The following HERC2 variants were observed in gnomAD, a reference collection of about 807,000 sequenced individuals.
The protein encoded by HERC2 is HECT and RLD domain containing E3 ubiquitin protein ligase 2, also known as E3 ubiquitin-protein ligase HERC2.
A neutral mutation model predicts 537.7 loss-of-function variants in HERC2; 102 were observed. The observed-to-expected ratio is 0.19, with a 90% CI of 0.16 to 0.22. The LOEUF (loss-of-function observed/expected upper bound fraction) is 0.22. Ranked by LOEUF, HERC2 falls within the 10% of genes least tolerant of loss-of-function variation. HERC2 has a pLI of 1.00. For missense variants in HERC2, 4,236 were observed against 6,198.2 expected (o/e 0.68, Z 10.63); for synonymous variants, 2,224 against 2,466.2 (o/e 0.90, Z 2.91).
At position 28,268,743 on chromosome 15, in the gene HERC2, G is replaced by C; in HGVS notation, c.1447-127C>G. 1 of 764,672 alleles carries C rather than the reference G, an allele frequency of 1.3e-6. No homozygotes were observed. Among genetic ancestry groups the C allele is most frequent in the Non-Finnish European group, 2.1e-6 (1 of 472,614 alleles). 47.4% of individuals were successfully genotyped at this position (764,672 alleles called of 1,614,324 possible). ...ACTCCAAGTGGGGCATAAGTCTCTG[G>C]GAACTACGGGGCCGGCTCTCCAGCC... On this transcript the variant is annotated intron_variant, in intron 11 of 92. Transcript: ENST00000261609. This position sits in a 1 kb window ranked among gnomAD's most constrained non-coding sequence, Gnocchi z 4.7.
At chr15:28,116,054 T>C (rs1888202691) in intron 88 of HERC2, among the ~76,000 whole-genome samples, 1 of 152,198 alleles carries the variant, frequency 6.6e-6, no homozygotes, top group Non-Finnish European at 1.5e-5. Flanking sequence ...TCTCCAGTCC[T>C]CAGCACGTGG....
chr15:28,280,783 G>A (rs954630646), intron 4 of HERC2, among the ~76,000 whole-genome samples: 5 of 151,950 alleles, frequency 3.3e-5, no homozygotes, highest in Non-Finnish European at 7.4e-5. Flanking sequence ...GGTGACGCAC[G>A]CCTGGAATTC....
At chr15:28,173,526 C>T (rs901224216) in intron 65 of HERC2, among the ~76,000 whole-genome samples, 6 of 152,066 alleles carry the variant, frequency 3.9e-5, no homozygotes, top group African/African-American at 9.7e-5. Context: ...TGGTCTGCCA[C>T]GGTGGCTCCT....
intron 2 of HERC2, among the ~76,000 whole-genome samples, chr15:28,312,028 T>C (rs1335460437): frequency 6.6e-6 from 1 of 152,132 alleles, no homozygotes; most frequent in African/African-American, 2.4e-5. Context: ...TCTTTCTGAG[T>C]GACAAGGAAT....
At chr15:28,208,512 C>T (rs2140394123) in intron 44 of HERC2, among the ~76,000 whole-genome samples, 1 of 152,146 alleles carries the variant, frequency 6.6e-6, no homozygotes, top group Admixed American at 6.5e-5. Flanking sequence ...GCAGGTGTAT[C>T]ACCCGAAGGT....
chr15:28,238,557 T>C lies in HERC2; in HGVS notation c.3748+45A>G, dbSNP rs539657558. On this transcript the variant is annotated intron_variant, in intron 24 of 92. Transcript: ENST00000261609. ...AAGCCAAATACTCTGCTTAAAATGA[T>C]ATAGGTTGTAACTTTTAACCAGGAA... is the stretch of plus-strand genomic sequence containing the variant. The C allele has an allele frequency of 3.5e-5, 52 of 1,488,088 alleles. 1 individual carries two copies. The highest frequency in any genetic ancestry group is 4.4e-5 in the Non-Finnish European group (47 of 1,072,610). The allele number at this position is 1,488,088 out of a possible 1,614,324, so 92.2% of individuals were successfully genotyped here. A position where few individuals can be genotyped will look rare whatever the true frequency, so the allele number is the denominator to read the frequency against.
chr15:28,145,803 C>T (rs546452079), intron 71 of HERC2, among the ~76,000 whole-genome samples: 1 of 152,356 alleles, frequency 6.6e-6, no homozygotes, highest in East Asian at 1.9e-4. Context: ...CAGCTGGCCT[C>T]ATGGAGCCCA....
In HERC2 at chr15:28,176,858, T is replaced by C; in HGVS notation, c.9433-90A>G. 1 of 1,576,330 alleles carries C rather than the reference T, an allele frequency of 6.3e-7. No individual in the cohort carries two copies. The highest frequency in any genetic ancestry group is 8.7e-7 in the Non-Finnish European group (1 of 1,150,950). ...ACAGATAAAGCCAACCATGCACACA[T>C]CTTTATGAACTTTCCTAGACTTGAA... On this transcript the variant is annotated intron_variant, in intron 61 of 92. Transcript: ENST00000261609. The surrounding 1 kb of genome is among the most constrained non-coding windows in gnomAD (Gnocchi z 5.0).
intron 69 of HERC2, 88 bp from the exon 70 acceptor site, chr15:28,152,918 G>A: frequency 2.3e-6 from 3 of 1,323,598 alleles, no homozygotes; most frequent in Middle Eastern, 5.3e-4. Context: ...CTGCTCAGGA[G>A]CTCCACAAGG....
chr15:28,144,743 C>A lies in HERC2; in HGVS notation c.11070G>T (p.Lys3690Asn). 6.2e-7 allele frequency: 1 copy of A among 1,614,226 alleles called. No individual in the cohort carries two copies. Among genetic ancestry groups the A allele is most frequent in the Non-Finnish European group, 8.5e-7 (1 of 1,180,036 alleles). ...CATTCACAGACCCATCGCTGATGAA[C>A]TTCCACTTTAACTCATCCCCTGGGA... ...LRIPGDELKW[K>N]FISDGSVNGW... The change falls in exon 72 of 93, where the codon AAG becomes AAT. Residue 3690 changes from lysine (K) to asparagine (N), a missense_variant. Lys to Asn is a moderately conservative substitution (Grantham distance 94). This residue lies in a region of HERC2 where 5 missense variants were observed against 23.4 expected (regional missense o/e 0.21). Coordinates refer to ENST00000261609, the MANE Select transcript of HERC2 (RefSeq NM_004667.6).
At chr15:28,172,568 A>G (rs187177994) in intron 65 of HERC2, among the ~76,000 whole-genome samples, 2 of 152,370 alleles carry the variant, frequency 1.3e-5, no homozygotes, top group East Asian at 3.9e-4. Context: ...CTGGACAATC[A>G]TGCCAAAAAA....
At chr15:28,120,949 A>AT (rs1166416425) in intron 86 of HERC2, among the ~76,000 whole-genome samples, 1 of 152,202 alleles carries the variant, frequency 6.6e-6, no homozygotes. Flanking sequence ...ACAGGACCCT[A>AT]TTCCATGGCA....
chr15:28,199,039 C>T (rs370123738), intron 48 of HERC2, among the ~76,000 whole-genome samples: 2 of 151,724 alleles, frequency 1.3e-5, no homozygotes, highest in Non-Finnish European at 2.9e-5. Context: ...CCCAGCTACT[C>T]GGGAGACTGA....
chr15:28,182,593 C>T (rs2140198427), intron 56 of HERC2, 81 bp from the exon 57 acceptor site: 1 of 1,068,136 alleles, frequency 9.4e-7, no homozygotes, highest in East Asian at 2.5e-5. Flanking sequence ...AGAAAAGCAA[C>T]CTCAAGCACT....
intron 2 of HERC2, among the ~76,000 whole-genome samples, chr15:28,301,715 C>A (rs2076629700): frequency 9.8e-6 from 1 of 102,272 alleles, no homozygotes; most frequent in Non-Finnish European, 1.8e-5. Context: ...TCTGTGGATA[C>A]ACACTAGTTG....
At chr15:28,224,166 C>CACACACACAGAG (rs748053596) in intron 35 of HERC2, among the ~76,000 whole-genome samples, 80 of 147,752 alleles carry the variant, frequency 5.4e-4, no homozygotes, top group African/African-American at 1.9e-3. Context: ...CACACACACA[C>CACACACACAGAG]AGAGAGAGAG....
chr15:28,262,273 C>A (rs1343251739), intron 15 of HERC2, among the ~76,000 whole-genome samples: 2 of 152,116 alleles, frequency 1.3e-5, no homozygotes, highest in Non-Finnish European at 2.9e-5. Context: ...GGCCCCCACC[C>A]CAACTTCCTG....
At chr15:28,312,799 G>C in intron 2 of HERC2, 4 of 980,350 alleles carry the variant, frequency 4.1e-6, no homozygotes, top group Non-Finnish European at 4.8e-6. Context: ...TCAGATCCCA[G>C]AAGCTTCTAA....
At chr15:28,141,374 C>A in intron 78 of HERC2, 58 bp downstream of exon 78, 1 of 1,518,552 alleles carries the variant, frequency 6.6e-7, no homozygotes, top group Non-Finnish European at 9.2e-7. Context: ...CACACAGCAC[C>A]TTTAGCCACA....
Sources: allele counts gnomAD v4.1 joint callset (sites outside exome capture counted in the v4.1 genomes callset), GRCh38; gene constraint gnomAD v4.1.1; regional missense constraint gnomAD v4.1.1; non-coding constraint Gnocchi (gnomAD v3.1); transcripts MANE v1.5; gene names NCBI Gene and HGNC (gene_info 2026-07-23, HGNC 2026-07-21).